The following DPP10 variants were observed in gnomAD, a reference collection of about 807,000 sequenced individuals.
DPP10 encodes dipeptidyl peptidase like 10, also known as inactive dipeptidyl peptidase 10.
A neutral mutation model predicts 120.9 loss-of-function variants in DPP10; 33 were observed. The ratio of observed to expected loss-of-function variants is 0.27; its 90% CI spans 0.21 to 0.37. The LOEUF is 0.37. DPP10 is among the 10% of genes least tolerant of loss of function. The probability of loss-of-function intolerance (pLI) is 1.00; values close to 1 mark genes in which losing one functional copy is unlikely to be tolerated. For missense variants in DPP10, 816 were observed against 942.8 expected (o/e 0.87, Z 1.76); for synonymous variants, 337 against 326.1 (o/e 1.03, Z -0.36).
chr2:114,805,918 T>A (rs1042702273), intron 1 of DPP10, among the ~76,000 whole-genome samples: 17 of 152,198 alleles, frequency 1.1e-4, no homozygotes, highest in African/African-American at 4.1e-4. Flanking sequence ...TCATGTACCC[T>A]CATGGAGGGG....
chr2:115,713,008 C>G (rs201245662), intron 7 of DPP10, among the ~76,000 whole-genome samples: 1 of 151,888 alleles, frequency 6.6e-6, no homozygotes, highest in East Asian at 1.9e-4. Flanking sequence ...GACATGATGC[C>G]TATTAGAATT....
chr2:114,711,444 C>T (rs1183197243), intron 1 of DPP10, among the ~76,000 whole-genome samples: 4 of 152,114 alleles, frequency 2.6e-5, no homozygotes, highest in African/African-American at 9.7e-5. Context: ...CAATGGGTGG[C>T]CCTTTAGGGT....
chr2:115,207,310 G>C (rs1202577432), intron 1 of DPP10, among the ~76,000 whole-genome samples: 3 of 148,050 alleles, frequency 2.0e-5, no homozygotes, highest in Non-Finnish European at 4.4e-5. Context: ...GGCAATTAGT[G>C]CTTTCCTAGC....
chr2:115,085,654 C>T (rs927873747), intron 1 of DPP10, among the ~76,000 whole-genome samples: 4 of 152,166 alleles, frequency 2.6e-5, no homozygotes, highest in Non-Finnish European at 2.9e-5. Flanking sequence ...AGTTTCCCCT[C>T]CCCCTTTAAA....
At chr2:115,314,315 G>A (rs1016553348) in intron 2 of DPP10, among the ~76,000 whole-genome samples, 1 of 152,160 alleles carries the variant, frequency 6.6e-6, no homozygotes, top group Non-Finnish European at 1.5e-5. Context: ...GGTCAATGCC[G>A]AGACAGAGTC....
intron 25 of DPP10, 83 bp from the exon 26 acceptor site, chr2:115,842,128 A>G (rs551319090): frequency 2.9e-6 from 4 of 1,381,532 alleles, no homozygotes; most frequent in Admixed American, 2.5e-5. Flanking sequence ...CAAAGTTTCC[A>G]TGACGTTAGG....
At chr2:114,454,755 C>T (rs546611838) in intron 1 of DPP10, among the ~76,000 whole-genome samples, 1 of 152,192 alleles carries the variant, frequency 6.6e-6, no homozygotes, top group Admixed American at 6.5e-5. Flanking sequence ...TTGTCCTTCC[C>T]TCCCCCTGCA....
intron 13 of DPP10, among the ~76,000 whole-genome samples, chr2:115,775,525 T>C (rs1056681018): frequency 3.3e-5 from 5 of 152,158 alleles, no homozygotes; most frequent in East Asian, 1.9e-4. Flanking sequence ...AAATCCTCCA[T>C]AGTGTTAAGA....
intron 1 of DPP10, among the ~76,000 whole-genome samples, chr2:114,637,010 A>G (rs1313701290): frequency 6.6e-6 from 1 of 151,926 alleles, no homozygotes; most frequent in Non-Finnish European, 1.5e-5. Flanking sequence ...TTGCAAACTA[A>G]CATAGTACAA....
chr2:115,440,543 T>C (rs372720214), intron 3 of DPP10, among the ~76,000 whole-genome samples: 113 of 152,336 alleles, frequency 7.4e-4, no homozygotes, highest in Middle Eastern at 6.8e-3. Flanking sequence ...AAGAGTCCTT[T>C]ATTAAGCCGG....
intron 3 of DPP10, among the ~76,000 whole-genome samples, chr2:115,481,211 CCCTTTCA>C (rs1180330734): frequency 6.6e-6 from 1 of 152,042 alleles, no homozygotes; most frequent in Non-Finnish European, 1.5e-5. Flanking sequence ...ACTCATATGC[CCCTTTCA>C]ACATACTACT....
chr2:114,879,197 A>G (rs898583572), intron 1 of DPP10, among the ~76,000 whole-genome samples: 1 of 150,314 alleles, frequency 6.7e-6, no homozygotes, highest in Non-Finnish European at 1.5e-5. Context: ...TGAAATTAGC[A>G]TATATTTATT....
chr2:114,774,124 C>T (rs1192009620), intron 1 of DPP10, among the ~76,000 whole-genome samples: 3 of 152,068 alleles, frequency 2.0e-5, no homozygotes, highest in African/African-American at 7.2e-5. Flanking sequence ...TCATTCAACA[C>T]ATGCACTGTG....
At chr2:115,461,741 G>A (rs938675407) in intron 3 of DPP10, among the ~76,000 whole-genome samples, 8 of 152,186 alleles carry the variant, frequency 5.3e-5, no homozygotes, top group African/African-American at 1.4e-4. Flanking sequence ...ATGATAATGT[G>A]TACCAGTACT....
intron 1 of DPP10, among the ~76,000 whole-genome samples, chr2:114,939,359 G>A (rs532707281): frequency 2.0e-5 from 3 of 151,906 alleles, no homozygotes; most frequent in African/African-American, 4.8e-5. Flanking sequence ...CAACTATTTC[G>A]CTAAGTTGTG....
chr2:114,642,790 T>C (rs1306933604), intron 1 of DPP10, among the ~76,000 whole-genome samples: 1 of 151,912 alleles, frequency 6.6e-6, no homozygotes, highest in Non-Finnish European at 1.5e-5. Context: ...CATCAACGTA[T>C]TGTTGTAGAT....
intron 2 of DPP10, among the ~76,000 whole-genome samples, chr2:115,343,416 G>C (rs868509844): frequency 1.3e-5 from 2 of 151,940 alleles, no homozygotes; most frequent in Non-Finnish European, 2.9e-5. Context: ...ACCATCTTTG[G>C]TTTTTAACAA....
chr2:114,737,294 C>T (rs1356595749), intron 1 of DPP10, among the ~76,000 whole-genome samples: 1 of 152,176 alleles, frequency 6.6e-6, no homozygotes, highest in Non-Finnish European at 1.5e-5. Flanking sequence ...AGGTCTTGAG[C>T]TGTAGCCTGA....
intron 5 of DPP10, among the ~76,000 whole-genome samples, chr2:115,618,740 A>T (rs900760040): frequency 6.6e-6 from 1 of 152,204 alleles, no homozygotes; most frequent in African/African-American, 2.4e-5. Flanking sequence ...GCATTCACTT[A>T]GACTAGGATG....
Sources: gnomAD v4.1 joint callset for allele counts (sites outside exome capture counted in the v4.1 genomes callset) on GRCh38, gnomAD v4.1.1 for gene constraint, MANE v1.5 for transcripts, NCBI Gene and HGNC (gene_info 2026-07-23, HGNC 2026-07-21) for gene names.